RGS5: variants seen among roughly 807,000 people sequenced by gnomAD.
RGS5 encodes regulator of G-protein signalling 5.
Under a neutral mutation model 18.9 loss-of-function variants are expected in RGS5, and 20 were observed. The observed-to-expected ratio is 1.06, with a 90% CI of 0.74 to 1.54. The LOEUF is 1.54. RGS5 is among the 40% of genes most tolerant of loss of function. The probability of loss-of-function intolerance (pLI) is 0.00; values close to 1 mark genes in which losing one functional copy is unlikely to be tolerated. For missense variants in RGS5, 201 were observed against 211.8 expected (o/e 0.95, Z 0.32); for synonymous variants, 57 against 76.2 (o/e 0.75, Z 1.31).
At chr1:163,160,336 T>C (rs993191318) in intron 3 of RGS5, among the ~76,000 whole-genome samples, 3 of 152,214 alleles carry the variant, frequency 2.0e-5, no homozygotes, top group African/African-American at 7.2e-5. Context: ...CAATCTGCTA[T>C]TGGCCCAGAA....
intron 2 of RGS5, among the ~76,000 whole-genome samples, chr1:163,275,466 T>C (rs917266980): frequency 1.3e-5 from 2 of 152,196 alleles, no homozygotes; most frequent in African/African-American, 4.8e-5. Flanking sequence ...ACACTTTAAA[T>C]GACTAAAGTC....
chr1:163,255,393 C>A (rs1648243549), intron 2 of RGS5, among the ~76,000 whole-genome samples: 1 of 152,136 alleles, frequency 6.6e-6, no homozygotes, highest in Non-Finnish European at 1.5e-5. Flanking sequence ...CACATACATC[C>A]TCCCAAGACT....
chr1:163,194,300 T>C (rs919186412), intron 1 of RGS5, among the ~76,000 whole-genome samples: 4 of 152,180 alleles, frequency 2.6e-5, no homozygotes, highest in African/African-American at 9.6e-5. Context: ...ATTGCACATA[T>C]GTAATTGATT....
chr1:163,174,840 A>G (rs1658476995), intron 1 of RGS5, among the ~76,000 whole-genome samples: 1 of 152,238 alleles, frequency 6.6e-6, no homozygotes, highest in Non-Finnish European at 1.5e-5. Flanking sequence ...GACGCCAGAC[A>G]TATGTCAGGA....
intron 3 of RGS5, among the ~76,000 whole-genome samples, chr1:163,158,914 G>A (rs965543276): frequency 9.2e-5 from 14 of 152,090 alleles, no homozygotes; most frequent in African/African-American, 1.4e-4. Flanking sequence ...CCTCAACTAC[G>A]ATCATAAAAG....
chr1:163,208,031 T>C (rs1189638748), intron 1 of RGS5, among the ~76,000 whole-genome samples: 1 of 152,138 alleles, frequency 6.6e-6, no homozygotes, highest in Non-Finnish European at 1.5e-5. Flanking sequence ...GTTATATCAA[T>C]AAATGTAAAT....
At chr1:163,216,685 G>A (rs568816556) in intron 1 of RGS5, among the ~76,000 whole-genome samples, 7 of 152,278 alleles carry the variant, frequency 4.6e-5, no homozygotes, top group East Asian at 1.9e-4. Context: ...ATTCACTGAC[G>A]ATATTATCAT....
chr1:163,222,158 C>T (rs1357261233), upstream of RGS5, among the ~76,000 whole-genome samples: 1 of 152,100 alleles, frequency 6.6e-6, no homozygotes, highest in Admixed American at 6.6e-5. Context: ...TGATCAGTAC[C>T]AGTTCGTGAC....
Position 163,193,971 on chromosome 1 carries a change from C to T in RGS5, c.44+8821G>A, listed in dbSNP as rs114154207. On this transcript the variant is annotated intron_variant, in intron 1 of 4. Transcript: ENST00000313961. Reference sequence around the variant, plus strand: ...GGTGCCACACCCCCAAAGTCACATGCGTCTGTGTTTACTTTTTTATCTTGC... The same window carrying T: ...GGTGCCACACCCCCAAAGTCACATGTGTCTGTGTTTACTTTTTTATCTTGC... 4.1e-3 allele frequency among the ~76,000 whole-genome samples: 618 copies of T among 152,172 alleles called. 3 individuals are homozygous for T. The highest frequency in any genetic ancestry group is 0.014 in the Middle Eastern group (4 of 294).
At chr1:163,177,821 CT>C (rs1351949885) in intron 1 of RGS5, among the ~76,000 whole-genome samples, 1 of 152,182 alleles carries the variant, frequency 6.6e-6, no homozygotes, top group African/African-American at 2.4e-5. Context: ...TCTTTAAAGA[CT>C]GTTGCCAGGC....
intron 2 of RGS5, among the ~76,000 whole-genome samples, chr1:163,261,773 T>C (rs145550461): frequency 3.3e-5 from 5 of 152,336 alleles, no homozygotes; most frequent in South Asian, 2.1e-4. Context: ...TTGGCTTATA[T>C]AGAACTATTA....
At chr1:163,297,032 A>T (rs1649438992) in intron 2 of RGS5, among the ~76,000 whole-genome samples, 4 of 152,162 alleles carry the variant, frequency 2.6e-5, no homozygotes. Context: ...TATTGACTTA[A>T]ATTTGCATAA....
chr1:163,153,104 A>G (rs553271860), intron 3 of RGS5, among the ~76,000 whole-genome samples: 2 of 152,334 alleles, frequency 1.3e-5, no homozygotes, highest in East Asian at 3.9e-4. Context: ...AGGAGAAAAT[A>G]ATACATTTAA....
Position 163,201,879 on chromosome 1 carries a change from C to G in RGS5, c.44+913G>C, listed in dbSNP as rs532089699. On this transcript the variant is annotated intron_variant, in intron 1 of 4. Transcript: ENST00000313961. ...TTATTTACTTTAAATAACGAGGGAT[C>G]AAACCCAATTTAATCAAATCCATTC... 3.9e-5 allele frequency among the ~76,000 whole-genome samples: 6 copies of G among 152,248 alleles called. No individual in the cohort carries two copies. The South Asian group carries it at 6.2e-4, about 16-fold the overall frequency.
chr1:163,207,267 T>C (rs1161449954), upstream of RGS5, among the ~76,000 whole-genome samples: 1 of 152,234 alleles, frequency 6.6e-6, no homozygotes, highest in Non-Finnish European at 1.5e-5. Flanking sequence ...TGAATTTCTT[T>C]ATAGACCCAT....
intron 2 of RGS5, among the ~76,000 whole-genome samples, chr1:163,277,248 C>T (rs1648880391): frequency 6.6e-6 from 1 of 152,118 alleles, no homozygotes; most frequent in African/African-American, 2.4e-5. Context: ...CCCACCTTTC[C>T]AGAGAAAACC....
chr1:163,283,727 T>C (rs1216519708), intron 2 of RGS5, among the ~76,000 whole-genome samples: 1 of 152,194 alleles, frequency 6.6e-6, no homozygotes, highest in Non-Finnish European at 1.5e-5. Context: ...TAAGCTGCCA[T>C]GTTGTGAAAG....
intron 1 of RGS5, among the ~76,000 whole-genome samples, chr1:163,202,114 T>C (rs1186962954): frequency 1.3e-5 from 2 of 152,184 alleles, no homozygotes; most frequent in Non-Finnish European, 2.9e-5. Flanking sequence ...AAATAACCCC[T>C]GTGTCCCAAG....
chr1:163,168,140 C>G, intron 2 of RGS5, 118 bp downstream of exon 2: 1 of 706,656 alleles, frequency 1.4e-6, no homozygotes, highest in East Asian at 2.6e-5. Flanking sequence ...TCTGAGGGCT[C>G]TTATGATCCT....
Sources: allele counts gnomAD v4.1 joint callset (sites outside exome capture counted in the v4.1 genomes callset), GRCh38; gene constraint gnomAD v4.1.1; transcripts MANE v1.5; gene names NCBI Gene and HGNC (gene_info 2026-07-23, HGNC 2026-07-21).